The following CFHR4 variants were observed in gnomAD, a reference collection of about 807,000 sequenced individuals.
CFHR4 encodes complement factor H related 4.
A neutral mutation model predicts 69.3 loss-of-function variants in CFHR4; 64 were observed. The observed-to-expected ratio is 0.92, with a 90% CI of 0.76 to 1.14. CFHR4 has a LOEUF of 1.14. CFHR4 is among the 50% of genes most tolerant of loss of function. CFHR4 has a pLI of 0.00. For synonymous variants in CFHR4, 244 were observed against 237.0 expected (o/e 1.03, Z -0.27); for missense variants, 636 against 684.9 (o/e 0.93, Z 0.80).
In CFHR4 at chr1:196,888,224, T is replaced by G. The variant is rs763666978; in HGVS notation, c.58+16T>G. The G allele has an allele frequency of 3.7e-6, 6 of 1,609,326 alleles. No homozygotes were observed. The East Asian group carries it at 1.3e-4, about 36-fold the overall frequency. ...AATGGACAAGGTAAGTTGAAAGAGA[T>G]CTAAACACTCAGCTTCCCTCTTAAA... On this transcript the variant is annotated intron_variant, in intron 1 of 9. Transcript: ENST00000608469.
At chr1:196,912,652 T>C (rs1359460856) in intron 6 of CFHR4, 88 bp from the exon 7 acceptor site, 10 of 1,345,240 alleles carry the variant, frequency 7.4e-6, no homozygotes, top group Middle Eastern at 2.7e-4. Flanking sequence ...TTCATTGTTT[T>C]GCCATATTGC....
chr1:196,897,150 A>T (rs1373113080), intron 1 of CFHR4, among the ~76,000 whole-genome samples: 1 of 151,640 alleles, frequency 6.6e-6, no homozygotes, highest in Non-Finnish European at 1.5e-5. Flanking sequence ...CTTTCAATCA[A>T]GATGAAATGG....
At chr1:196,908,559 C>G (rs10922147) in intron 5 of CFHR4, among the ~76,000 whole-genome samples, 35,251 of 151,166 alleles carry the variant, frequency 0.23, 6,008 homozygotes, top group East Asian at 0.72. Context: ...AAAAAGCCCT[C>G]AAGTCTGTAA....
intron 1 of CFHR4, among the ~76,000 whole-genome samples, chr1:196,894,451 C>T (rs1657186499): frequency 6.6e-6 from 1 of 151,446 alleles, no homozygotes; most frequent in African/African-American, 2.4e-5. Flanking sequence ...TTTCACTTTA[C>T]CCTTCAGGAC....
intron 1 of CFHR4, among the ~76,000 whole-genome samples, chr1:196,901,481 T>C (rs1281041773): frequency 2.0e-5 from 3 of 151,370 alleles, no homozygotes; most frequent in Non-Finnish European, 2.9e-5. Context: ...ATAATGGAGA[T>C]AATAAACAAT....
intron 1 of CFHR4, among the ~76,000 whole-genome samples, chr1:196,897,373 G>C (rs1657358065): frequency 6.6e-6 from 1 of 151,540 alleles, no homozygotes; most frequent in Non-Finnish European, 1.5e-5. Context: ...CAGATTTGCT[G>C]TCTGCAGACG....
Position 196,910,284 on chromosome 1 carries a change from T to C in CFHR4, c.803T>C (p.Met268Thr). The change falls in exon 6 of 10, where the codon ATG becomes ACG. Residue 268 changes from methionine to threonine, a missense_variant. This residue lies in a region of CFHR4 where 529 missense variants were observed against 533.2 expected (regional missense o/e 0.99). Transcript: ENST00000608469. ...TATTTTTGTTTTTTGTTACAAGCAATGAAACCTTGTGAGTTTCCAGAAATT... is the reference window on the plus strand; with the variant it reads ...TATTTTTGTTTTTTGTTACAAGCAACGAAACCTTGTGAGTTTCCAGAAATT... ...DWSEPPRCIS[M>T]KPCEFPEIQH... is the part of the protein sequence containing the mutation. The C allele has an allele frequency of 1.3e-6, 2 of 1,582,336 alleles. No individual in the cohort carries two copies. The highest frequency in any genetic ancestry group is 1.7e-6 in the Non-Finnish European group (2 of 1,161,042).
rs1222486237 is a variant in CFHR4, at chr1:196,900,195, A to T, written c.59-2223A>T. Among the ~76,000 whole-genome samples the T allele has an allele frequency of 2.6e-5, 4 of 151,438 alleles. 1 individual carries two copies. The highest frequency in any genetic ancestry group is 5.9e-5 in the Non-Finnish European group (4 of 67,948). ...TCAACGTTAAGGTCAGTTTGAGTTA[A>T]CATTGTGATAGAACCATCATAACTG... On this transcript the variant is annotated intron_variant, in intron 1 of 9. Coordinates refer to ENST00000608469, the MANE Select transcript of CFHR4 (RefSeq NM_001201550.3).
chr1:196,896,595 A>C (rs958469637), intron 1 of CFHR4, among the ~76,000 whole-genome samples: 2 of 151,676 alleles, frequency 1.3e-5, no homozygotes, highest in Admixed American at 1.3e-4. Context: ...AGGTTGCTCC[A>C]TAAATACACA....
Position 196,918,367 on chromosome 1 carries a change from G to A in CFHR4, c.1698G>A (p.Val566=), listed in dbSNP as rs774083559. Residue 566 remains valine (V), a synonymous_variant, in exon 10 of 10, where the codon GTG becomes GTA. Coordinates refer to ENST00000608469, the MANE Select transcript of CFHR4 (RefSeq NM_001201550.3). The part of the protein sequence containing the change: ...ANTSVLSFQA[V]CREGIVEYPR... Reference sequence around the variant, plus strand: ...CATCAGTTCTATCATTTCAAGCAGTGTGTAGGGAAGGCATAGTGGAATACC... The same window carrying A: ...CATCAGTTCTATCATTTCAAGCAGTATGTAGGGAAGGCATAGTGGAATACC... The A allele has an allele frequency of 6.2e-7, 1 of 1,612,338 alleles. No homozygotes were observed. Among genetic ancestry groups the A allele is most frequent in the East Asian group, 2.2e-5 (1 of 44,704 alleles).
chr1:196,901,825 T>C (rs1657626436), intron 1 of CFHR4, among the ~76,000 whole-genome samples: 1 of 151,428 alleles, frequency 6.6e-6, no homozygotes, highest in Non-Finnish European at 1.5e-5. Context: ...AAAATGCTTA[T>C]TACACTCTTA....
intron 1 of CFHR4, among the ~76,000 whole-genome samples, chr1:196,888,597 TTACA>T (rs1656853023): frequency 6.6e-6 from 1 of 151,146 alleles, no homozygotes; most frequent in African/African-American, 2.4e-5. Context: ...TTTCATAATC[TTACA>T]TACAGTGATT....
chr1:196,912,690 A>C, intron 6 of CFHR4, 50 bp from the exon 7 acceptor site: 1 of 1,491,292 alleles, frequency 6.7e-7, no homozygotes, highest in Non-Finnish European at 9.0e-7. Flanking sequence ...CCTCCTATAA[A>C]AGAAGTATTC....
chr1:196,918,427 T>C lies in CFHR4; in HGVS notation c.*21T>C. The C allele has an allele frequency of 1.3e-6, 2 of 1,596,160 alleles. No homozygotes were observed. The highest frequency in any genetic ancestry group is 1.7e-6 in the Non-Finnish European group (2 of 1,165,316). On this transcript the variant is annotated 3_prime_UTR_variant, in exon 10 of 10. Transcript: ENST00000608469. Reference sequence around the variant, plus strand: ...AATAAGGCAGCATTGTTACCCTAAATGTATGTCCAACTTCCACTTCTCACT... The same window carrying C: ...AATAAGGCAGCATTGTTACCCTAAACGTATGTCCAACTTCCACTTCTCACT...
chr1:196,889,862 AT>A (rs1442146957), intron 1 of CFHR4, among the ~76,000 whole-genome samples: 1 of 151,428 alleles, frequency 6.6e-6, no homozygotes, highest in African/African-American at 2.4e-5. Context: ...AGAAGAGAAA[AT>A]AAGGACACAC....
At position 196,914,942 on chromosome 1, in the gene CFHR4, G is replaced by A; in HGVS notation, c.1358-14G>A. 6.2e-7 allele frequency: 1 copy of A among 1,606,020 alleles called. No homozygotes were observed. The highest frequency in any genetic ancestry group is 1.4e-5 in the African/African-American group (1 of 72,834). On this transcript the variant is annotated splice_polypyrimidine_tract_variant and intron_variant, in intron 8 of 9. Coordinates refer to ENST00000608469, the MANE Select transcript of CFHR4 (RefSeq NM_001201550.3). Reference sequence around the variant, plus strand: ...CTATTGATTTTTCCCCACATATAAAGTATTTTTTTTCAGATTCTTCAGAAA... The same window carrying A: ...CTATTGATTTTTCCCCACATATAAAATATTTTTTTTCAGATTCTTCAGAAA...
chr1:196,907,498 T>C lies in CFHR4; in HGVS notation c.799T>C (p.Ser267Pro), dbSNP rs755092986. 6.9e-6 allele frequency: 11 copies of C among 1,604,864 alleles called. No homozygotes were observed. Among genetic ancestry groups the C allele is most frequent in the Admixed American group, 3.4e-5 (2 of 59,236 alleles). Residue 267 changes from serine to proline, a missense_variant and splice_region_variant, in exon 5 of 10, where the codon TCA becomes CCA. Ser to Pro is a moderately conservative substitution (Grantham distance 74). Transcript: ENST00000608469. ...CTGGTCAGAACCACCAAGATGCATA[T>C]GTAAGTTCTTAATATTCTGGATCTG... Reference protein sequence around the residue: ...GDWSEPPRCISMKPCEFPEIQ... With the variant: ...GDWSEPPRCIPMKPCEFPEIQ...
At position 196,918,589 on chromosome 1, in the gene CFHR4, T is replaced by C. The variant is rs1658793429; in HGVS notation, c.*183T>C. ...AATATGTTAAAACAAACTAAATTAT[T>C]GCTTATGCTTGTACTAAAATAATAA... is the stretch of plus-strand genomic sequence containing the variant. On this transcript the variant is annotated 3_prime_UTR_variant, in exon 10 of 10. Coordinates refer to ENST00000608469, the MANE Select transcript of CFHR4 (RefSeq NM_001201550.3). 1 of 592,524 alleles carries C rather than the reference T, an allele frequency of 1.7e-6. No homozygotes were observed. Among genetic ancestry groups the C allele is most frequent in the Non-Finnish European group, 2.9e-6 (1 of 345,986 alleles). 36.7% of individuals were successfully genotyped at this position (592,524 alleles called of 1,614,324 possible).
intron 1 of CFHR4, among the ~76,000 whole-genome samples, chr1:196,897,946 C>A (rs1451433440): frequency 6.6e-6 from 1 of 151,324 alleles, no homozygotes; most frequent in Admixed American, 6.6e-5. Context: ...TCAACCAGAG[C>A]TAAGATATGT....
Sources: gnomAD v4.1 joint callset for allele counts (sites outside exome capture counted in the v4.1 genomes callset) on GRCh38, gnomAD v4.1.1 for gene constraint, gnomAD v4.1.1 regional missense constraint, MANE v1.5 for transcripts, NCBI Gene and HGNC (gene_info 2026-07-23, HGNC 2026-07-21) for gene names.